The following AGO1 variants were observed in gnomAD, a reference collection of about 807,000 sequenced individuals.
AGO1 encodes the protein protein argonaute-1.
AGO1 carries 11 observed loss-of-function variants against 109.2 expected under a neutral mutation model. The ratio of observed to expected loss-of-function variants is 0.10; its 90% CI spans 0.06 to 0.17. The LOEUF (loss-of-function observed/expected upper bound fraction) is 0.17, where lower values mean the gene tolerates loss of function less well. Ranked by LOEUF, AGO1 falls within the 10% of genes least tolerant of loss-of-function variation. The pLI is 1.00. For missense variants in AGO1, 574 were observed against 1,140.3 expected, an observed-to-expected ratio of 0.50 and a Z score of 7.15; for synonymous variants, 422 against 418.6, an observed-to-expected ratio of 1.01 and a Z score of -0.10.
At chr1:35,875,292 C>T (rs192135132) in intron 1 of AGO1, among the ~76,000 whole-genome samples, 47 of 152,272 alleles carry the variant, frequency 3.1e-4, no homozygotes, top group African/African-American at 1.1e-3. Flanking sequence ...CCTCCGTTAC[C>T]ATTATGAAAA....
intron 15 of AGO1, among the ~76,000 whole-genome samples, chr1:35,915,860 G>A (rs1645725209): frequency 6.6e-6 from 1 of 152,162 alleles, no homozygotes; most frequent in African/African-American, 2.4e-5. Flanking sequence ...CAGTTTTAAG[G>A]GCTCTACCCT....
chr1:35,886,795 T>G (rs1438861248), intron 1 of AGO1, among the ~76,000 whole-genome samples: 2 of 152,194 alleles, frequency 1.3e-5, no homozygotes. Flanking sequence ...ATATGTTTGT[T>G]CATTCATTTC....
At chr1:35,876,692 A>G (rs574473451) in intron 1 of AGO1, among the ~76,000 whole-genome samples, 2 of 152,364 alleles carry the variant, frequency 1.3e-5, no homozygotes, top group African/African-American at 2.4e-5. Flanking sequence ...CCTAGTTGAT[A>G]TGGCAGTGAC....
intron 1 of AGO1, among the ~76,000 whole-genome samples, chr1:35,872,346 C>T (rs1043630320): frequency 6.6e-5 from 10 of 151,638 alleles, no homozygotes; most frequent in Admixed American, 1.3e-4. Context: ...CCATCACACC[C>T]GGCTAATTTT....
Position 35,927,962 on chromosome 1 carries a change from C to G in AGO1, c.*8355C>G, listed in dbSNP as rs2148731402. 1 of 152,380 alleles carries G rather than the reference C, an allele frequency of 6.6e-6. No homozygotes were observed. Among genetic ancestry groups the G allele is most frequent in the Non-Finnish European group, 1.5e-5 (1 of 68,044 alleles). 9.4% of individuals were successfully genotyped at this position (152,380 alleles called of 1,614,324 possible). On this transcript the variant is annotated 3_prime_UTR_variant, in exon 19 of 19. Transcript: ENST00000373204. Reference sequence around the variant, plus strand: ...TTTGAACTCAGGTGCCCAGTTGACTCTAATCTTGGCCCATGTGAGAGGATT... The same window carrying G: ...TTTGAACTCAGGTGCCCAGTTGACTGTAATCTTGGCCCATGTGAGAGGATT...
rs757525458 is a variant in AGO1 at position 35,927,839 on chromosome 1, G to A, written c.*8232G>A. 5 of 152,212 alleles carry A rather than the reference G, an allele frequency of 3.3e-5. No homozygotes were observed. Among genetic ancestry groups the A allele is most frequent in the Non-Finnish European group, 7.3e-5 (5 of 68,038 alleles). The allele number at this position is 152,212 out of a possible 1,614,324, so 9.4% of individuals were successfully genotyped here. On this transcript the variant is annotated 3_prime_UTR_variant, in exon 19 of 19. Coordinates refer to ENST00000373204, the MANE Select transcript of AGO1 (RefSeq NM_012199.5). The stretch of plus-strand genomic sequence containing the variant: ...TAAGAGAGGGCCTTCAGTGTTAGCT[G>A]TGTCTGTCCCTAAAGCCCATGTTTT...
At chr1:35,879,905 A>T (rs1408528065), upstream of AGO1, among the ~76,000 whole-genome samples, 2 of 152,176 alleles carry the variant, frequency 1.3e-5, no homozygotes, top group African/African-American at 4.8e-5. Flanking sequence ...GAGATGGGTC[A>T]GAATAGTGAC....
At position 35,930,483 on chromosome 1, in the gene AGO1, TG is replaced by T. The variant is rs1646016530; in HGVS notation, c.*10879del. On this transcript the variant is annotated 3_prime_UTR_variant, in exon 19 of 19. Transcript: ENST00000373204. ...TGCGTTTTCACCCTGGAAAGGAGTT[TG>T]GGTTTTCAAGTGTGACGAGGCGCTA... 6.6e-6 allele frequency: 1 copy of T among 152,252 alleles called. No homozygotes were observed. Among genetic ancestry groups the T allele is most frequent in the African/African-American group, 2.4e-5 (1 of 41,452 alleles). The allele number at this position is 152,252 out of a possible 1,614,324, so 9.4% of individuals were successfully genotyped here. A position where few individuals can be genotyped will look rare whatever the true frequency, so the allele number is the denominator to read the frequency against.
At chr1:35,879,454 A>C (rs756149221), upstream of AGO1, among the ~76,000 whole-genome samples, 5 of 150,824 alleles carry the variant, frequency 3.3e-5, no homozygotes, top group Admixed American at 6.6e-5. Context: ...ATCTCAAAAA[A>C]AAATAAAAAA....
intron 1 of AGO1, among the ~76,000 whole-genome samples, chr1:35,885,390 A>C (rs1645104929): frequency 6.6e-6 from 1 of 152,202 alleles, no homozygotes; most frequent in South Asian, 2.1e-4. Context: ...AGCTTATAGG[A>C]AAGGAGCTAG....
At chr1:35,909,529 C>G (rs1571368193) in intron 12 of AGO1, among the ~76,000 whole-genome samples, 2 of 152,326 alleles carry the variant, frequency 1.3e-5, no homozygotes, top group South Asian at 4.1e-4. Context: ...GCATCCTCTT[C>G]TTCTTGTCCC....
chr1:35,917,235 A>G (rs772701061), intron 15 of AGO1, among the ~76,000 whole-genome samples: 2 of 152,182 alleles, frequency 1.3e-5, no homozygotes, highest in Non-Finnish European at 2.9e-5. Flanking sequence ...GAGAACTCTC[A>G]TTAGTCACCT....
chr1:35,889,315 G>T (rs1645175388), intron 2 of AGO1, among the ~76,000 whole-genome samples: 1 of 150,598 alleles, frequency 6.6e-6, no homozygotes, highest in African/African-American at 2.4e-5. Context: ...CCAGCTTTAA[G>T]CTATTCTCCT....
Position 35,883,257 on chromosome 1 carries a change from G to A in AGO1, c.-165G>A. The A allele has an allele frequency of 2.2e-6, 3 of 1,348,340 alleles. No individual in the cohort carries two copies. The highest frequency in any genetic ancestry group is 2.9e-6 in the Non-Finnish European group (3 of 1,048,966). The allele number at this position is 1,348,340 out of a possible 1,614,324, so 83.5% of individuals were successfully genotyped here. A position where few individuals can be genotyped will look rare whatever the true frequency, so the allele number is the denominator to read the frequency against. ...CAGTGGGAGCTGCTGCAGGCTCCGC[G>A]GCGGCGGCAACGGAGGCTGCGGGGG... is the stretch of plus-strand genomic sequence containing the variant. On this transcript the variant is annotated 5_prime_UTR_variant, in exon 1 of 19. Coordinates refer to ENST00000373204, the MANE Select transcript of AGO1 (RefSeq NM_012199.5). This position sits in a 1 kb window ranked among gnomAD's most constrained non-coding sequence, Gnocchi z 5.4.
Position 35,901,844 on chromosome 1 carries a change from G to A in AGO1, c.1141-104G>A, listed in dbSNP as rs572800651. The A allele has an allele frequency of 5.4e-6, 8 of 1,481,040 alleles. No homozygotes were observed. The highest frequency in any genetic ancestry group is 1.9e-4 in the Middle Eastern group (1 of 5,150). The allele number at this position is 1,481,040 out of a possible 1,614,324, so 91.7% of individuals were successfully genotyped here. A position where few individuals can be genotyped will look rare whatever the true frequency, so the allele number is the denominator to read the frequency against. The stretch of plus-strand genomic sequence containing the variant: ...TTCTCTCTCTTTTTAGGACTATTCC[G>A]TACCAACCCCAGCTTCTCCTTAGGG... On this transcript the variant is annotated intron_variant, in intron 9 of 18. Transcript: ENST00000373204. The surrounding 1 kb of genome is among the most constrained non-coding windows in gnomAD (Gnocchi z 4.8).
intron 11 of AGO1, among the ~76,000 whole-genome samples, chr1:35,906,377 A>C (rs577354112): frequency 6.6e-6 from 1 of 152,332 alleles, no homozygotes; most frequent in South Asian, 2.1e-4. Context: ...GGGAACCCTG[A>C]GAATTCCCAT....
intron 1 of AGO1, among the ~76,000 whole-genome samples, chr1:35,875,493 A>G (rs948926086): frequency 6.6e-6 from 1 of 152,106 alleles, no homozygotes; most frequent in Non-Finnish European, 1.5e-5. Context: ...GGCTCACTGC[A>G]ACCTCCGCCT....
At chr1:35,910,629 C>CT (rs1049057737) in intron 12 of AGO1, among the ~76,000 whole-genome samples, 5 of 152,102 alleles carry the variant, frequency 3.3e-5, no homozygotes, top group East Asian at 1.9e-4. Flanking sequence ...ATAGTATATA[C>CT]TTTTTTTGTT....
chr1:35,904,928 G>A (rs919697626), intron 11 of AGO1, among the ~76,000 whole-genome samples: 1 of 152,190 alleles, frequency 6.6e-6, no homozygotes, highest in Non-Finnish European at 1.5e-5. Context: ...ACATGAAGGT[G>A]CTATGGGGTT....
Sources: allele counts gnomAD v4.1 joint callset (sites outside exome capture counted in the v4.1 genomes callset), GRCh38; gene constraint gnomAD v4.1.1; non-coding constraint Gnocchi (gnomAD v3.1); transcripts MANE v1.5; gene names NCBI Gene and HGNC (gene_info 2026-07-23, HGNC 2026-07-21).